Variants in SFXN5 observed in about 807,000 individuals in gnomAD.
The protein encoded by SFXN5 is sideroflexin 5.
In SFXN5, 43 loss-of-function variants were observed where a neutral mutation model predicts 50.2. That is an observed-to-expected ratio of 0.86 (90% CI 0.67 to 1.11). The LOEUF is 1.11. SFXN5 is among the 50% of genes least tolerant of loss of function. The pLI is 0.00. For missense variants in SFXN5, 463 were observed against 454.1 expected (o/e 1.02, Z -0.18); for synonymous variants, 203 against 185.8 (o/e 1.09, Z -0.75).
At chr2:72,958,984 C>T (rs942735972) in intron 13 of SFXN5, among the ~76,000 whole-genome samples, 1 of 152,114 alleles carries the variant, frequency 6.6e-6, no homozygotes, top group South Asian at 2.1e-4. Flanking sequence ...GGGCCTAAGG[C>T]GGGTCACCCC....
At chr2:73,020,659 TCTTC>T (rs1275556982) in intron 5 of SFXN5, 1 of 182,502 alleles carries the variant, frequency 5.5e-6, no homozygotes, top group African/African-American at 2.3e-5. Flanking sequence ...CCCCAGAATG[TCTTC>T]CTTCTTGCCT....
At chr2:73,061,887 G>C (rs1374575850) in intron 1 of SFXN5, among the ~76,000 whole-genome samples, 2 of 152,132 alleles carry the variant, frequency 1.3e-5, no homozygotes, top group Admixed American at 6.5e-5. Flanking sequence ...AGGCTGAAGT[G>C]ATAGGATCAC....
At chr2:72,948,560 T>C (rs546826778) in intron 13 of SFXN5, among the ~76,000 whole-genome samples, 6 of 152,320 alleles carry the variant, frequency 3.9e-5, no homozygotes, top group African/African-American at 1.2e-4. Flanking sequence ...CACATTAAAA[T>C]CAGAGAGGCT....
At chr2:73,070,032 T>G (rs1221960113) in intron 1 of SFXN5, among the ~76,000 whole-genome samples, 1 of 152,140 alleles carries the variant, frequency 6.6e-6, no homozygotes, top group Non-Finnish European at 1.5e-5. Flanking sequence ...AGGATCTGAC[T>G]CAGGTGGCCA....
intron 2 of SFXN5, among the ~76,000 whole-genome samples, chr2:73,043,001 A>G (rs1166563904): frequency 6.6e-6 from 1 of 151,072 alleles, no homozygotes; most frequent in African/African-American, 2.4e-5. Flanking sequence ...CTGGGGGGCA[A>G]AGGTTGCAGT....
chr2:72,965,922 T>C (rs1674342380), intron 12 of SFXN5, among the ~76,000 whole-genome samples: 1 of 152,146 alleles, frequency 6.6e-6, no homozygotes, highest in Non-Finnish European at 1.5e-5. Flanking sequence ...TCAGGATAGC[T>C]GTAGGATGTG....
intron 6 of SFXN5, among the ~76,000 whole-genome samples, chr2:73,004,847 C>G (rs1343561367): frequency 6.6e-6 from 1 of 152,250 alleles, no homozygotes; most frequent in Non-Finnish European, 1.5e-5. Context: ...ATCCCAGGAG[C>G]AAGAGCAGAT....
chr2:72,984,023 G>A (rs1008579941), intron 10 of SFXN5, among the ~76,000 whole-genome samples: 5 of 152,208 alleles, frequency 3.3e-5, no homozygotes, highest in Admixed American at 1.3e-4. Context: ...GGCCCGCTCC[G>A]AGCTTGAGCT....
At chr2:72,976,038 G>GA (rs1179928087) in intron 10 of SFXN5, among the ~76,000 whole-genome samples, 2 of 152,122 alleles carry the variant, frequency 1.3e-5, no homozygotes, top group African/African-American at 4.8e-5. Context: ...ACTGTTATGT[G>GA]AAAAAAGCTA....
chr2:73,052,418 T>G (rs1264303768), intron 2 of SFXN5, among the ~76,000 whole-genome samples: 1 of 151,266 alleles, frequency 6.6e-6, no homozygotes, highest in Non-Finnish European at 1.5e-5. Context: ...TACCTCCAAT[T>G]CAAATACAAC....
At chr2:73,017,651 T>C (rs1466041343) in intron 6 of SFXN5, among the ~76,000 whole-genome samples, 1 of 152,152 alleles carries the variant, frequency 6.6e-6, no homozygotes, top group African/African-American at 2.4e-5. Flanking sequence ...ACTGTTGGAG[T>C]CTCATTCAGG....
chr2:73,000,086 T>C (rs893871589), intron 8 of SFXN5, among the ~76,000 whole-genome samples: 1 of 152,186 alleles, frequency 6.6e-6, no homozygotes, highest in Non-Finnish European at 1.5e-5. Flanking sequence ...CCCAAGTAGC[T>C]GATACCATCA....
intron 10 of SFXN5, among the ~76,000 whole-genome samples, chr2:72,976,975 A>C (rs1670693082): frequency 6.6e-6 from 1 of 152,228 alleles, no homozygotes; most frequent in South Asian, 2.1e-4. Context: ...AGATTAATCC[A>C]AACTAATAGT....
chr2:73,056,081 T>A (rs941106559), intron 2 of SFXN5, among the ~76,000 whole-genome samples: 1 of 152,156 alleles, frequency 6.6e-6, no homozygotes, highest in African/African-American at 2.4e-5. Flanking sequence ...GAGGCTGCAA[T>A]GAGCTGAGAA....
intron 6 of SFXN5, among the ~76,000 whole-genome samples, chr2:73,008,247 A>C (rs1385718157): frequency 6.6e-6 from 1 of 152,220 alleles, no homozygotes; most frequent in East Asian, 1.9e-4. Flanking sequence ...ACTTAACCTA[A>C]GGCCACCAGA....
chr2:72,954,830 G>C (rs1301505499), intron 13 of SFXN5, among the ~76,000 whole-genome samples: 1 of 152,190 alleles, frequency 6.6e-6, no homozygotes, highest in South Asian at 2.1e-4. Context: ...AACTCAAGTG[G>C]ACTCACTCAG....
At chr2:72,958,585 A>T (rs1007386190) in intron 13 of SFXN5, among the ~76,000 whole-genome samples, 1 of 152,088 alleles carries the variant, frequency 6.6e-6, no homozygotes, top group Non-Finnish European at 1.5e-5. Context: ...CTATAAACAC[A>T]TGGGTGACTC....
chr2:72,956,927 T>C (rs1295732944), intron 13 of SFXN5: 1 of 432,758 alleles, frequency 2.3e-6, no homozygotes, highest in African/African-American at 2.0e-5. Context: ...TAGACTGCCA[T>C]GTCTAGCTAT....
In SFXN5 at chr2:73,058,514, C is replaced by T. The variant is rs769587001; in HGVS notation, c.171+14G>A. On this transcript the variant is annotated intron_variant, in intron 2 of 13. Transcript: ENST00000272433. Reference sequence around the variant, plus strand: ...AAAGGCCCAAGGGCCACTGAGGTGACAGCCATGACTTACCTCAGTGACAAA... The same window carrying T: ...AAAGGCCCAAGGGCCACTGAGGTGATAGCCATGACTTACCTCAGTGACAAA... 16 of 1,612,774 alleles carry T rather than the reference C, an allele frequency of 9.9e-6. No individual in the cohort carries two copies. In the South Asian group the frequency reaches 1.8e-4, roughly 18 times the overall value.
Sources: gnomAD v4.1 joint callset for allele counts (sites outside exome capture counted in the v4.1 genomes callset) on GRCh38, gnomAD v4.1.1 for gene constraint, MANE v1.5 for transcripts, NCBI Gene and HGNC (gene_info 2026-07-23, HGNC 2026-07-21) for gene names.